The following SRGAP2 variants were observed in gnomAD, a reference collection of about 807,000 sequenced individuals.
The protein encoded by SRGAP2 is SLIT-ROBO Rho GTPase activating protein 2, also known as SLIT-ROBO Rho GTPase-activating protein 2.
A neutral mutation model predicts 57.2 loss-of-function variants in SRGAP2; 15 were observed. The ratio of observed to expected loss-of-function variants is 0.26; its 90% CI spans 0.18 to 0.40. The LOEUF (loss-of-function observed/expected upper bound fraction) is 0.40. SRGAP2 is among the 10% of genes least tolerant of loss of function. The pLI, the probability that SRGAP2 is intolerant of heterozygous loss-of-function variation, is 1.00. For synonymous variants in SRGAP2, 249 were observed against 248.0 expected (o/e 1.00, Z -0.04); for missense variants, 520 against 669.6 (o/e 0.78, Z 2.47).
chr1:206,411,714 A>G (rs1230680053), intron 10 of SRGAP2, among the ~76,000 whole-genome samples: 2 of 152,206 alleles, frequency 1.3e-5, no homozygotes, highest in Non-Finnish European at 2.9e-5. Context: ...ACATCCAGTG[A>G]GTTTTATACC....
chr1:206,448,507 A>T (rs1160241494), intron 18 of SRGAP2, among the ~76,000 whole-genome samples: 1 of 152,206 alleles, frequency 6.6e-6, no homozygotes, highest in East Asian at 1.9e-4. Context: ...TGCCTTTCTC[A>T]TAAAGCAGTG....
At chr1:206,304,334 A>G (rs1672062165) in intron 3 of SRGAP2, among the ~76,000 whole-genome samples, 1 of 139,824 alleles carries the variant, frequency 7.2e-6, no homozygotes, top group Non-Finnish European at 1.5e-5. Flanking sequence ...GGCCTGGGTA[A>G]CAGGGTGGTG....
chr1:206,366,540 A>G (rs1263827256), intron 4 of SRGAP2, among the ~76,000 whole-genome samples: 3 of 151,944 alleles, frequency 2.0e-5, no homozygotes, highest in African/African-American at 7.3e-5. Flanking sequence ...ACAGCCTGGC[A>G]TGGAAAGGCA....
intron 18 of SRGAP2, among the ~76,000 whole-genome samples, chr1:206,447,409 G>C (rs1412444478): frequency 1.3e-5 from 2 of 152,228 alleles, no homozygotes; most frequent in African/African-American, 4.8e-5. Context: ...CCCAAGGAGT[G>C]AAGAAAGTGG....
chr1:206,333,277 A>C lies in SRGAP2; in HGVS notation c.261-9569A>C, dbSNP rs1674516322. The C allele has an allele frequency of 3.4e-6, 4 of 1,159,640 alleles. No homozygotes were observed. The African/African-American group carries it at 4.6e-5, about 13-fold the overall frequency. 71.8% of individuals were successfully genotyped at this position (1,159,640 alleles called of 1,614,324 possible). A position where few individuals can be genotyped will look rare whatever the true frequency, so the allele number is the denominator to read the frequency against. ...GCTCACGCTGGGAGCTGTAGACCGG[A>C]GCTGTTCCTATTCGGCCATCTTGGC... is the stretch of plus-strand genomic sequence containing the variant. On this transcript the variant is annotated intron_variant, in intron 3 of 22. Transcript: ENST00000573034.
intron 17 of SRGAP2, among the ~76,000 whole-genome samples, chr1:206,443,409 T>C (rs1049059598): frequency 1.3e-5 from 2 of 152,222 alleles, no homozygotes; most frequent in African/African-American, 4.8e-5. Context: ...AGTTTTGCTC[T>C]TGTCCCCCAA....
intron 13 of SRGAP2, among the ~76,000 whole-genome samples, chr1:206,424,958 A>G (rs1458545044): frequency 2.0e-5 from 3 of 152,164 alleles, no homozygotes; most frequent in Non-Finnish European, 4.4e-5. Flanking sequence ...CAGGTTATCC[A>G]TTGGGGGCTG....
At chr1:206,237,635 T>A in intron 2 of SRGAP2, among the ~76,000 whole-genome samples, 1 of 152,308 alleles carries the variant, frequency 6.6e-6, no homozygotes. Context: ...TAACTTTTTT[T>A]ATACTCATAT....
At chr1:206,267,818 A>G (rs1467427011) in intron 2 of SRGAP2, among the ~76,000 whole-genome samples, 2 of 149,986 alleles carry the variant, frequency 1.3e-5, no homozygotes, top group Non-Finnish European at 3.0e-5. Context: ...AACTAAAAAT[A>G]TAATAAATGA....
intron 2 of SRGAP2, among the ~76,000 whole-genome samples, chr1:206,283,519 C>G (rs1670849378): frequency 6.7e-6 from 1 of 149,700 alleles, no homozygotes; most frequent in Non-Finnish European, 1.5e-5. Flanking sequence ...ACTAAAAATA[C>G]AAAAATTAGC....
chr1:206,354,574 C>T (rs1471419220), intron 4 of SRGAP2, among the ~76,000 whole-genome samples: 5 of 152,118 alleles, frequency 3.3e-5, no homozygotes, highest in African/African-American at 1.2e-4. Flanking sequence ...TTTATCTGTT[C>T]AATTGTTGAT....
At chr1:206,210,457 C>T (rs1666249728) in intron 2 of SRGAP2, among the ~76,000 whole-genome samples, 1 of 117,768 alleles carries the variant, frequency 8.5e-6, no homozygotes, top group Non-Finnish European at 1.6e-5. Context: ...AGTGTGTGTG[C>T]ACCACAGAGC....
intron 14 of SRGAP2, among the ~76,000 whole-genome samples, chr1:206,434,628 C>A (rs1661570621): frequency 6.6e-6 from 1 of 152,172 alleles, no homozygotes; most frequent in Admixed American, 6.5e-5. Context: ...AATGTTTCTG[C>A]TTCTAGAATC....
chr1:206,310,384 G>A (rs1672551226), intron 3 of SRGAP2, among the ~76,000 whole-genome samples: 1 of 151,972 alleles, frequency 6.6e-6, no homozygotes, highest in Non-Finnish European at 1.5e-5. Flanking sequence ...TGTGGGGTAG[G>A]TAGGTTCTAT....
At chr1:206,230,099 A>G (rs1173822300) in intron 2 of SRGAP2, among the ~76,000 whole-genome samples, 1 of 152,200 alleles carries the variant, frequency 6.6e-6, no homozygotes, top group Non-Finnish European at 1.5e-5. Flanking sequence ...TTGTTGAACT[A>G]TTTGTCCCTT....
chr1:206,437,773 T>C, intron 15 of SRGAP2, 191 bp from the exon 16 acceptor site: 1 of 591,852 alleles, frequency 1.7e-6, no homozygotes. Context: ...GCTTTGGTCC[T>C]GGAGCCCCTG....
chr1:206,312,932 A>T (rs1356511698), intron 3 of SRGAP2, among the ~76,000 whole-genome samples: 2 of 151,564 alleles, frequency 1.3e-5, no homozygotes, highest in Non-Finnish European at 2.9e-5. Context: ...GCAGGACTCT[A>T]ATTGATAATG....
chr1:206,380,319 A>T (rs570042830), intron 4 of SRGAP2, among the ~76,000 whole-genome samples: 3 of 141,214 alleles, frequency 2.1e-5, no homozygotes, highest in Admixed American at 7.1e-5. Context: ...CTGATCAGCC[A>T]CTCGGCAGCA....
At chr1:206,435,430 G>A (rs566087062) in intron 14 of SRGAP2, among the ~76,000 whole-genome samples, 1 of 152,336 alleles carries the variant, frequency 6.6e-6, no homozygotes, top group South Asian at 2.1e-4. Context: ...CAGGGATCCT[G>A]AGAAAAGCTG....
Sources: gnomAD v4.1 joint callset for allele counts (sites outside exome capture counted in the v4.1 genomes callset) on GRCh38, gnomAD v4.1.1 for gene constraint, MANE v1.5 for transcripts, NCBI Gene and HGNC (gene_info 2026-07-23, HGNC 2026-07-21) for gene names.